The following GNA15 variants were observed in gnomAD, a reference collection of about 807,000 sequenced individuals.
GNA15 encodes G protein subunit alpha 15.
GNA15 carries 23 observed loss-of-function variants against 40.1 expected under a neutral mutation model. The ratio of observed to expected loss-of-function variants is 0.57; its 90% CI spans 0.41 to 0.81. The LOEUF (loss-of-function observed/expected upper bound fraction) is 0.81. Ranked by LOEUF, GNA15 falls within the 40% of genes least tolerant of loss-of-function variation. The pLI is 0.00. For synonymous variants in GNA15, 226 were observed against 210.4 expected (o/e 1.07, Z -0.64); for missense variants, 522 against 515.8 (o/e 1.01, Z -0.12).
At chr19:3,159,150 G>A (rs529864780) in intron 6 of GNA15, among the ~76,000 whole-genome samples, 10 of 151,416 alleles carry the variant, frequency 6.6e-5, no homozygotes, top group Non-Finnish European at 1.5e-4. Context: ...TCAGCCTCCC[G>A]AGTAGCTGGG....
At chr19:3,160,035 G>T (rs1299598745) in intron 6 of GNA15, among the ~76,000 whole-genome samples, 1 of 152,194 alleles carries the variant, frequency 6.6e-6, no homozygotes, top group Admixed American at 6.5e-5. Context: ...AGCTACTGCC[G>T]AGTAACAAAC....
Position 3,136,543 on chromosome 19 carries a change from C to A in GNA15, c.93C>A (p.Ile31=). ...GGGTGGACCAGGAGATCAACAGGAT[C>A]CTCTTGGAGCAGAAGAAGCAGGACC... ...AARVDQEINR[I]LLEQKKQDRG... is the part of the protein sequence containing the mutation. The change falls in exon 1 of 7, where the codon ATC becomes ATA. Residue 31 remains isoleucine, a synonymous_variant. Coordinates refer to ENST00000262958, the MANE Select transcript of GNA15 (RefSeq NM_002068.4). The surrounding 1 kb of genome is among the most constrained non-coding windows in gnomAD (Gnocchi z 4.9). 6.4e-7 allele frequency: 1 copy of A among 1,569,734 alleles called. No homozygotes were observed. Among genetic ancestry groups the A allele is most frequent in the Non-Finnish European group, 8.6e-7 (1 of 1,157,646 alleles).
At chr19:3,162,712 G>A (rs772160372) in intron 6 of GNA15, 81 bp from the exon 7 acceptor site, 15 of 858,008 alleles carry the variant, frequency 1.7e-5, no homozygotes, top group Non-Finnish European at 2.9e-5. Flanking sequence ...TTCAGTGCTG[G>A]TTACAGGGAA....
At chr19:3,138,535 C>A (rs566785411) in intron 1 of GNA15, among the ~76,000 whole-genome samples, 1 of 152,342 alleles carries the variant, frequency 6.6e-6, no homozygotes, top group Non-Finnish European at 1.5e-5. Context: ...AAGAGGCCGC[C>A]CGAGAGGAAA....
Position 3,150,143 on chromosome 19 carries a change from C to T in GNA15, c.343C>T (p.Leu115=), listed in dbSNP as rs1185214467. 6.2e-7 allele frequency: 1 copy of T among 1,613,170 alleles called. No homozygotes were observed. The highest frequency in any genetic ancestry group is 1.1e-5 in the South Asian group (1 of 91,072). The part of the protein sequence containing the change: ...SRPESKHHAS[L]VMSQDPYKVT... ...CCTCCCTCCCCAGCACCACGCTAGCCTGGTCATGAGCCAGGACCCCTATAA... is the reference window on the plus strand; with the variant it reads ...CCTCCCTCCCCAGCACCACGCTAGCTTGGTCATGAGCCAGGACCCCTATAA... Residue 115 remains leucine, a synonymous_variant, in exon 3 of 7, where the codon CTG becomes TTG. Coordinates refer to ENST00000262958, the MANE Select transcript of GNA15 (RefSeq NM_002068.4).
In GNA15 at chr19:3,155,933, TGGA is replaced by T; in HGVS notation, c.730_732del (p.Glu244del). 1.9e-6 allele frequency: 3 copies of T among 1,613,856 alleles called. No individual in the cohort carries two copies. Among genetic ancestry groups the T allele is most frequent in the South Asian group, 2.2e-5 (2 of 91,068 alleles). On this transcript the variant is annotated inframe_deletion, in exon 5 of 7. Transcript: ENST00000262958. The surrounding 1 kb of genome is among the most constrained non-coding windows in gnomAD (Gnocchi z 5.6). The stretch of plus-strand genomic sequence containing the variant: ...TCACTGAGTGAATACGACCAGTGCC[TGGA>T]GGAGAACAACCAGGAGGTGCGCCAC...
chr19:3,162,650 C>G, intron 6 of GNA15, 143 bp from the exon 7 acceptor site: 3 of 620,448 alleles, frequency 4.8e-6, no homozygotes, highest in Non-Finnish European at 5.8e-6. Flanking sequence ...GCTATGACTA[C>G]AAAAGATGGA....
At chr19:3,138,370 C>G (rs201142097) in intron 1 of GNA15, among the ~76,000 whole-genome samples, 4 of 152,188 alleles carry the variant, frequency 2.6e-5, no homozygotes, top group Non-Finnish European at 4.4e-5. Flanking sequence ...GGCCTAAGCC[C>G]GGGATGCTAG....
At chr19:3,145,642 A>G (rs112226417) in intron 1 of GNA15, among the ~76,000 whole-genome samples, 6,339 of 35,820 alleles carry the variant, frequency 0.18, 252 homozygotes, top group African/African-American at 0.25. Flanking sequence ...CTCTGCCTCG[A>G]GTTCAAGCAA....
At chr19:3,160,864 C>G (rs1250310181) in intron 6 of GNA15, among the ~76,000 whole-genome samples, 1 of 151,838 alleles carries the variant, frequency 6.6e-6, no homozygotes, top group Non-Finnish European at 1.5e-5. Context: ...TCTCACCATG[C>G]CTTTATGTGT....
intron 1 of GNA15, among the ~76,000 whole-genome samples, chr19:3,147,836 C>T (rs1914768380): frequency 1.4e-5 from 2 of 140,898 alleles, no homozygotes; most frequent in South Asian, 2.3e-4. Context: ...TGCAGTGAGC[C>T]GAGGTCGCGC....
intron 4 of GNA15, among the ~76,000 whole-genome samples, chr19:3,152,528 C>G (rs1330673670): frequency 2.0e-5 from 3 of 152,116 alleles, no homozygotes; most frequent in Non-Finnish European, 4.4e-5. Context: ...TCCACCTTAG[C>G]TGGCAGACAG....
chr19:3,143,688 A>G (rs1248453114), intron 1 of GNA15, among the ~76,000 whole-genome samples: 1 of 152,012 alleles, frequency 6.6e-6, no homozygotes, highest in Non-Finnish European at 1.5e-5. Context: ...AAAAGCCCAT[A>G]GGCTCTAGAC....
chr19:3,157,100 C>T (rs571508162), intron 5 of GNA15, among the ~76,000 whole-genome samples: 30 of 152,020 alleles, frequency 2.0e-4, no homozygotes, highest in Non-Finnish European at 3.5e-4. Context: ...CGGGTTCAAG[C>T]GATTTTCCTG....
chr19:3,143,034 G>T (rs1363362423), intron 1 of GNA15: 1 of 152,044 alleles, frequency 6.6e-6, no homozygotes, highest in Non-Finnish European at 1.5e-5. Flanking sequence ...TAAAAACATT[G>T]CTTTAACAGA....
At chr19:3,156,994 C>A (rs1259294429) in intron 5 of GNA15, among the ~76,000 whole-genome samples, 1 of 151,822 alleles carries the variant, frequency 6.6e-6, no homozygotes, top group African/African-American at 2.4e-5. Context: ...GCATTTGAGA[C>A]CTTATTGTAC....
chr19:3,150,087 C>T, intron 2 of GNA15, 44 bp from the exon 3 acceptor site: 1 of 1,571,626 alleles, frequency 6.4e-7, no homozygotes, highest in African/African-American at 1.4e-5. Context: ...AGGGCAGCCC[C>T]ACTCAGAAAG....
intron 4 of GNA15, among the ~76,000 whole-genome samples, chr19:3,153,236 G>T (rs1914922281): frequency 6.8e-6 from 1 of 147,918 alleles, no homozygotes; most frequent in Admixed American, 6.8e-5. Flanking sequence ...CTATGGGAGA[G>T]ATACTTGGTC....
chr19:3,147,301 CCAGCACTT>C (rs1469311715), intron 1 of GNA15, among the ~76,000 whole-genome samples: 7 of 151,842 alleles, frequency 4.6e-5, no homozygotes. Context: ...GCCTGTAATC[CCAGCACTT>C]TGGGAGGCCG....
Sources: allele counts gnomAD v4.1 joint callset (sites outside exome capture counted in the v4.1 genomes callset), GRCh38; gene constraint gnomAD v4.1.1; non-coding constraint Gnocchi (gnomAD v3.1); transcripts MANE v1.5; gene names NCBI Gene and HGNC (gene_info 2026-07-23, HGNC 2026-07-21).